The following MTG1 variants were observed in gnomAD, a reference collection of about 807,000 sequenced individuals.
MTG1 encodes the protein mitochondrial ribosome-associated GTPase 1.
In MTG1, 30 loss-of-function variants were observed where a neutral mutation model predicts 39.5. That is an observed-to-expected ratio of 0.76 (90% CI 0.57 to 1.03). The LOEUF (loss-of-function observed/expected upper bound fraction) is 1.03, where lower values mean the gene tolerates loss of function less well. Ranked by LOEUF, MTG1 falls within the 50% of genes least tolerant of loss-of-function variation. The probability of loss-of-function intolerance (pLI) is 0.00; values close to 1 mark genes in which losing one functional copy is unlikely to be tolerated. For missense variants in MTG1, 513 were observed against 447.4 expected (o/e 1.15, Z -1.32); for synonymous variants, 217 against 179.0 (o/e 1.21, Z -1.69).
chr10:133,413,722 T>C (rs1850078168), intron 9 of MTG1, among the ~76,000 whole-genome samples: 1 of 152,232 alleles, frequency 6.6e-6, no homozygotes, highest in Non-Finnish European at 1.5e-5. Context: ...AATGCATTTC[T>C]GTTTTTCTTA....
In MTG1 at chr10:133,420,856, AG is replaced by A. The variant is rs1850220714; in HGVS notation, c.*692del. 6.6e-6 allele frequency: 1 copy of A among 152,422 alleles called. No homozygotes were observed. The highest frequency in any genetic ancestry group is 1.5e-5 in the Non-Finnish European group (1 of 68,184). The allele number at this position is 152,422 out of a possible 1,614,324, so 9.4% of individuals were successfully genotyped here. The stretch of plus-strand genomic sequence containing the variant: ...GAAGGCCGCCCGGCATGGGCAGTAG[AG>A]ACCCCTGGCCTCTGAGCACCTTCTA... On this transcript the variant is annotated 3_prime_UTR_variant, in exon 11 of 11. Transcript: ENST00000317502.
At position 133,398,464 on chromosome 10, in the gene MTG1, C is replaced by T. The variant is rs751902304; in HGVS notation, c.312C>T (p.Gly104=). The T allele has an allele frequency of 6.2e-7, 1 of 1,613,158 alleles. No homozygotes were observed. Among genetic ancestry groups the T allele is most frequent in the South Asian group, 1.1e-5 (1 of 90,806 alleles). ...QKIMQHLEGE[G]LKNVIFTNCV... is the part of the protein sequence containing the mutation. ...TTATGCAACACTTAGAAGGAGAAGG[C>T]CTAAAAAATGTCATTTTTACCAACT... The change falls in exon 4 of 11, where the codon GGC becomes GGT. Residue 104 remains glycine, a synonymous_variant. Coordinates refer to ENST00000317502, the MANE Select transcript of MTG1 (RefSeq NM_138384.4).
At position 133,402,613 on chromosome 10, in the gene MTG1, C is replaced by A; in HGVS notation, c.671-79C>A. Reference sequence around the variant, plus strand: ...ACGGCACGGTGTCTTTGGGCTAGGACTGGAAGGGATGTGTTTGAACTTGGC... The same window carrying A: ...ACGGCACGGTGTCTTTGGGCTAGGAATGGAAGGGATGTGTTTGAACTTGGC... On this transcript the variant is annotated intron_variant, in intron 8 of 10. Transcript: ENST00000317502. This position sits in a 1 kb window ranked among gnomAD's most constrained non-coding sequence, Gnocchi z 4.7. The A allele has an allele frequency of 7.7e-7, 1 of 1,303,308 alleles. No homozygotes were observed. The highest frequency in any genetic ancestry group is 1.1e-6 in the Non-Finnish European group (1 of 929,128). The allele number at this position is 1,303,308 out of a possible 1,614,324, so 80.7% of individuals were successfully genotyped here.
chr10:133,399,374 G>A (rs558975661), intron 5 of MTG1, 148 bp downstream of exon 5: 668 of 1,205,240 alleles, frequency 5.5e-4, no homozygotes, highest in African/African-American at 5.3e-3. Flanking sequence ...GGAAAGGGCC[G>A]AGGCCGTCCC....
intron 9 of MTG1, among the ~76,000 whole-genome samples, chr10:133,406,998 C>T (rs1209597580): frequency 1.3e-5 from 2 of 151,482 alleles, no homozygotes; most frequent in Admixed American, 6.6e-5. Context: ...GAGATGGGGT[C>T]TAGTTTCATT....
chr10:133,399,321 C>G, intron 5 of MTG1, 95 bp downstream of exon 5: 2 of 1,454,392 alleles, frequency 1.4e-6, no homozygotes, highest in Non-Finnish European at 1.9e-6. Flanking sequence ...GCGCAGCGCC[C>G]CAGGCAGGGA....
intron 9 of MTG1, among the ~76,000 whole-genome samples, chr10:133,408,681 T>C (rs537969089): frequency 4.6e-5 from 7 of 152,362 alleles, no homozygotes; most frequent in African/African-American, 1.7e-4. Context: ...GGACCTGGGA[T>C]TTTCTTTGAT....
chr10:133,418,749 C>T (rs1197263861), intron 9 of MTG1, among the ~76,000 whole-genome samples: 1 of 152,294 alleles, frequency 6.6e-6, no homozygotes, highest in Non-Finnish European at 1.5e-5. Flanking sequence ...AGGTTCCCCT[C>T]ACCCCTGGCT....
In MTG1 at chr10:133,402,827, T is replaced by TAAA; in HGVS notation, c.752+64_752+66dup. ...GGCCCCTCCTCCTAGTCACCTCATT[T>TAAA]AAAAAAAAAAAACAAACAAAAAAAC... On this transcript the variant is annotated intron_variant, in intron 9 of 10. Transcript: ENST00000317502. The surrounding 1 kb of genome is among the most constrained non-coding windows in gnomAD (Gnocchi z 4.7). 8.7e-6 allele frequency: 9 copies of TAAA among 1,031,156 alleles called. No homozygotes were observed. Among genetic ancestry groups the TAAA allele is most frequent in the Non-Finnish European group, 8.1e-6 (6 of 742,632 alleles). 63.9% of individuals were successfully genotyped at this position (1,031,156 alleles called of 1,614,324 possible).
rs1849876256 is a variant in MTG1, at chr10:133,401,547, G to A, written c.530G>A (p.Gly177Asp). 1 of 1,589,408 alleles carries A rather than the reference G, an allele frequency of 6.3e-7. No homozygotes were observed. Among genetic ancestry groups the A allele is most frequent in the African/African-American group, 1.3e-5 (1 of 74,196 alleles). Residue 177 changes from glycine (G) to aspartate (D), a missense_variant, in exon 7 of 11, where the codon GGT becomes GAT. Gly to Asp is a moderately conservative substitution (Grantham distance 94). Transcript: ENST00000317502. ...CCTACAGGGAAAGCCACCAGGGTGG[G>A]TGGCGAGCCTGGGATCACCAGAGCT... ...HLRKGKATRV[G>D]GEPGITRAVM...
intron 9 of MTG1, among the ~76,000 whole-genome samples, chr10:133,412,780 A>G (rs1488275294): frequency 6.6e-6 from 1 of 152,172 alleles, no homozygotes; most frequent in Non-Finnish European, 1.5e-5. Context: ...TTCTGGTTTC[A>G]TTGACTTTCT....
chr10:133,414,532 C>T (rs1287775694), intron 9 of MTG1, among the ~76,000 whole-genome samples: 10 of 149,510 alleles, frequency 6.7e-5, no homozygotes, highest in South Asian at 2.1e-4. Flanking sequence ...GACGGGGTCG[C>T]GGCCGGGCAG....
Position 133,420,057 on chromosome 10 carries a change from T to C in MTG1, c.897T>C (p.Pro299=), listed in dbSNP as rs1850204832. The part of the protein sequence containing the change: ...GNVNIIQPNY[P]AAARDFLQTF... ...TGAACATTATTCAGCCTAACTATCCTGCGGCAGCCCGTGACTTCCTGCAGA... is the reference window on the plus strand; with the variant it reads ...TGAACATTATTCAGCCTAACTATCCCGCGGCAGCCCGTGACTTCCTGCAGA... Residue 299 remains proline (P), a synonymous_variant, in exon 11 of 11, where the codon CCT becomes CCC. Transcript: ENST00000317502. 1.2e-6 allele frequency: 2 copies of C among 1,612,986 alleles called. No homozygotes were observed. Among genetic ancestry groups the C allele is most frequent in the African/African-American group, 1.3e-5 (1 of 74,912 alleles).
intron 1 of MTG1, 70 bp from the exon 2 acceptor site, chr10:133,395,643 G>A (rs1849770885): frequency 2.8e-5 from 40 of 1,440,316 alleles, no homozygotes; most frequent in Non-Finnish European, 3.8e-5. Context: ...CATTCTGGAC[G>A]GTTCAGCTTG....
At chr10:133,404,768 G>C (rs1427412327) in intron 9 of MTG1, among the ~76,000 whole-genome samples, 1 of 152,116 alleles carries the variant, frequency 6.6e-6, no homozygotes, top group East Asian at 1.9e-4. Flanking sequence ...TGGAGAACCA[G>C]TTGTTCCGGA....
rs1438014527 is a variant in MTG1, at chr10:133,411,117, G to T, written c.752+8344G>T. ...TAGTGTCTTTTTCTTTCAGATTGAA[G>T]AACTTTTTTTTAGCATTTCTTGAAA... is the stretch of plus-strand genomic sequence containing the variant. On this transcript the variant is annotated intron_variant, in intron 9 of 10. Coordinates refer to ENST00000317502, the MANE Select transcript of MTG1 (RefSeq NM_138384.4). Among the ~76,000 whole-genome samples, 4 of 152,088 alleles carry T rather than the reference G, an allele frequency of 2.6e-5. No homozygotes were observed. The East Asian group carries it at 5.8e-4, about 22-fold the overall frequency.
chr10:133,394,280 C>A lies in MTG1; in HGVS notation c.60C>A (p.Phe20Leu). The change falls in exon 1 of 11, where the codon TTC becomes TTA. Residue 20 changes from phenylalanine (F) to leucine (L), a missense_variant. Physicochemically the swap from Phe to Leu is conservative, Grantham distance 22. Transcript: ENST00000317502. The stretch of plus-strand genomic sequence containing the variant: ...CCCAGGCCGCCTGGCGGGAGAACTT[C>A]CCCCTGTGCGGTCGCGACGTGGCGC... ...SAAQAAWREN[F>L]PLCGRDVARW... 5 of 1,517,252 alleles carry A rather than the reference C, an allele frequency of 3.3e-6. No homozygotes were observed. Among genetic ancestry groups the A allele is most frequent in the East Asian group, 2.7e-5 (1 of 37,246 alleles). 94.0% of individuals were successfully genotyped at this position (1,517,252 alleles called of 1,614,324 possible). A position where few individuals can be genotyped will look rare whatever the true frequency, so the allele number is the denominator to read the frequency against.
chr10:133,396,417 C>A (rs775996026), intron 3 of MTG1, 150 bp downstream of exon 3: 96 of 682,844 alleles, frequency 1.4e-4, no homozygotes, highest in Non-Finnish European at 2.1e-4. Flanking sequence ...CAGAAGCGTG[C>A]CAGCATCGTT....
rs1365148160 is a variant in MTG1, at chr10:133,417,036, C to T, written c.753-2444C>T. Among the ~76,000 whole-genome samples the T allele has an allele frequency of 4.0e-5, 6 of 150,688 alleles. No individual in the cohort carries two copies. The East Asian group carries it at 1.2e-3, about 30-fold the overall frequency. ...GTCCCACCAACAGTGTAAAAGTGTT[C>T]CTATTTCTCCACATCCTCTCCAGCA... On this transcript the variant is annotated intron_variant, in intron 9 of 10. Coordinates refer to ENST00000317502, the MANE Select transcript of MTG1 (RefSeq NM_138384.4).
Sources: gnomAD v4.1 joint callset for allele counts (sites outside exome capture counted in the v4.1 genomes callset) on GRCh38, gnomAD v4.1.1 for gene constraint, Gnocchi (gnomAD v3.1) non-coding constraint, MANE v1.5 for transcripts, NCBI Gene and HGNC (gene_info 2026-07-23, HGNC 2026-07-21) for gene names.